The following CSMD1 variants were observed in gnomAD, a reference collection of about 807,000 sequenced individuals.
CSMD1 encodes CUB and Sushi multiple domains 1.
A neutral mutation model predicts 417.5 loss-of-function variants in CSMD1; 213 were observed. The observed-to-expected ratio is 0.51, with a 90% CI of 0.46 to 0.57. CSMD1 has a LOEUF of 0.57. Ranked by LOEUF, CSMD1 falls within the 20% of genes least tolerant of loss-of-function variation. The pLI is 0.00. For missense variants in CSMD1, 6,923 were observed against 4,529.7 expected, an observed-to-expected ratio of 1.53 and a Z score of -15.17; for synonymous variants, 2,862 against 1,736.8, an observed-to-expected ratio of 1.65 and a Z score of -16.11.
At chr8:4,304,577 C>T (rs11780411) in intron 3 of CSMD1, among the ~76,000 whole-genome samples, 36 of 152,044 alleles carry the variant, frequency 2.4e-4, no homozygotes, top group African/African-American at 8.0e-4. Context: ...TTTAAAATTG[C>T]TTTGAAATGT....
chr8:4,978,904 C>T (rs1810716981), intron 1 of CSMD1, among the ~76,000 whole-genome samples: 1 of 152,302 alleles, frequency 6.6e-6, no homozygotes, highest in Non-Finnish European at 1.5e-5. Context: ...TGCCACTGCA[C>T]TCCAGCCTGG....
intron 2 of CSMD1, among the ~76,000 whole-genome samples, chr8:4,476,186 A>G (rs911342177): frequency 1.3e-5 from 2 of 152,156 alleles, no homozygotes; most frequent in Admixed American, 1.3e-4. Context: ...CTTCACCAGC[A>G]TAACTGATAA....
At chr8:3,158,965 A>G (rs1290288665) in intron 38 of CSMD1, among the ~76,000 whole-genome samples, 3 of 152,114 alleles carry the variant, frequency 2.0e-5, no homozygotes, top group African/African-American at 7.2e-5. Context: ...AACATTTCAT[A>G]CTCAATCCAC....
intron 55 of CSMD1, 133 bp downstream of exon 55, chr8:2,978,479 A>C: frequency 1.4e-6 from 1 of 704,512 alleles, no homozygotes; most frequent in Non-Finnish European, 2.3e-6. Flanking sequence ...CTATCATAAA[A>C]ACTCCTACAA....
intron 2 of CSMD1, among the ~76,000 whole-genome samples, chr8:4,558,984 A>C (rs1264732905): frequency 3.3e-5 from 5 of 152,304 alleles, no homozygotes; most frequent in African/African-American, 1.2e-4. Context: ...AACTGGCTTA[A>C]GGCAGTATTG....
chr8:3,104,442 A>G (rs1231526678), intron 46 of CSMD1, among the ~76,000 whole-genome samples: 1 of 152,154 alleles, frequency 6.6e-6, no homozygotes, highest in Non-Finnish European at 1.5e-5. Context: ...CTTAGCGTTT[A>G]AACAGACGAG....
chr8:3,618,602 G>C (rs934604225), intron 7 of CSMD1, among the ~76,000 whole-genome samples: 3 of 151,924 alleles, frequency 2.0e-5, no homozygotes, highest in Non-Finnish European at 4.4e-5. Context: ...TTTGGTGATA[G>C]CATCAGTAGA....
At chr8:3,545,854 G>C (rs781475361) in intron 10 of CSMD1, among the ~76,000 whole-genome samples, 2 of 152,208 alleles carry the variant, frequency 1.3e-5, no homozygotes, top group Admixed American at 1.3e-4. Context: ...GCCACAAAAA[G>C]CAAAGTCAAG....
intron 3 of CSMD1, among the ~76,000 whole-genome samples, chr8:4,369,259 G>T (rs1172924078): frequency 6.6e-6 from 1 of 151,938 alleles, no homozygotes; most frequent in South Asian, 2.1e-4. Context: ...TGGCTCTGAT[G>T]GGTCTTTCTG....
Position 4,270,332 on chromosome 8 carries a change from C to A in CSMD1, c.415+149621G>T, listed in dbSNP as rs573463019. 1.1e-3 allele frequency among the ~76,000 whole-genome samples: 169 copies of A among 151,846 alleles called. 1 individual carries two copies. The highest frequency in any genetic ancestry group is 3.8e-3 in the African/African-American group (157 of 41,138). On this transcript the variant is annotated intron_variant, in intron 3 of 69. Transcript: ENST00000635120. Reference sequence around the variant, plus strand: ...ACTGGTTTTATGCTTTATTAACAAACCACGATTCACACTCTGTTTCCACTT... The same window carrying A: ...ACTGGTTTTATGCTTTATTAACAAAACACGATTCACACTCTGTTTCCACTT...
At chr8:4,012,230 T>C (rs1191373814) in intron 4 of CSMD1, among the ~76,000 whole-genome samples, 1 of 152,032 alleles carries the variant, frequency 6.6e-6, no homozygotes, top group Non-Finnish European at 1.5e-5. Flanking sequence ...CTCGTCTCTT[T>C]AGATACTACT....
At chr8:4,300,854 G>A (rs927740197) in intron 3 of CSMD1, among the ~76,000 whole-genome samples, 1 of 152,154 alleles carries the variant, frequency 6.6e-6, no homozygotes, top group African/African-American at 2.4e-5. Flanking sequence ...TCCCTACAAA[G>A]GACATGAACT....
At chr8:4,761,907 CTATCAATCTATCTATCTAT>C (rs1563319685) in intron 1 of CSMD1, among the ~76,000 whole-genome samples, 46 of 121,748 alleles carry the variant, frequency 3.8e-4, no homozygotes, top group Middle Eastern at 8.9e-3. Flanking sequence ...ATCTATCTAT[CTATCAATCTATCTATCTAT>C]CTATCTATCT....
intron 10 of CSMD1, among the ~76,000 whole-genome samples, chr8:3,561,611 G>C (rs1480136633): frequency 6.6e-6 from 1 of 152,094 alleles, no homozygotes; most frequent in Non-Finnish European, 1.5e-5. Context: ...ACAGACACTG[G>C]TCACTCCGAA....
chr8:4,859,591 T>A (rs1376708903), intron 1 of CSMD1, among the ~76,000 whole-genome samples: 1 of 151,878 alleles, frequency 6.6e-6, no homozygotes, highest in African/African-American at 2.4e-5. Flanking sequence ...CATCAAAAAG[T>A]GGGCGAAGGA....
intron 33 of CSMD1, among the ~76,000 whole-genome samples, chr8:3,191,597 G>A (rs1418171321): frequency 6.6e-6 from 1 of 152,154 alleles, no homozygotes; most frequent in Non-Finnish European, 1.5e-5. Context: ...TATCTCATGG[G>A]CTTTGGATAG....
intron 1 of CSMD1, among the ~76,000 whole-genome samples, chr8:4,829,649 G>T (rs1169284613): frequency 1.3e-5 from 2 of 151,878 alleles, no homozygotes; most frequent in Admixed American, 6.6e-5. Context: ...CTGAGGAGGG[G>T]GGATCGCTTA....
chr8:4,735,229 G>T (rs1042779732), intron 1 of CSMD1, among the ~76,000 whole-genome samples: 1 of 152,092 alleles, frequency 6.6e-6, no homozygotes, highest in African/African-American at 2.4e-5. Flanking sequence ...AATGCGAGAG[G>T]ATACTTGAGT....
At chr8:4,180,500 C>T (rs923767207) in intron 3 of CSMD1, among the ~76,000 whole-genome samples, 1 of 151,428 alleles carries the variant, frequency 6.6e-6, no homozygotes, top group East Asian at 1.9e-4. Context: ...GTGGGTGCAG[C>T]ACACCAGCAT....
Sources: allele counts gnomAD v4.1 joint callset (sites outside exome capture counted in the v4.1 genomes callset), GRCh38; gene constraint gnomAD v4.1.1; transcripts MANE v1.5; gene names NCBI Gene and HGNC (gene_info 2026-07-23, HGNC 2026-07-21).